SLC17A8: variants seen among roughly 807,000 people sequenced by gnomAD.
SLC17A8 encodes vesicular glutamate transporter 3.
In SLC17A8, 31 loss-of-function variants were observed where a neutral mutation model predicts 58.0. That is an observed-to-expected ratio of 0.53 (90% CI 0.40 to 0.72). SLC17A8 has a LOEUF of 0.72. SLC17A8 is among the 30% of genes least tolerant of loss of function. The pLI, the probability that SLC17A8 is intolerant of heterozygous loss-of-function variation, is 0.00. For synonymous variants in SLC17A8, 228 were observed against 249.0 expected, an observed-to-expected ratio of 0.92 and a Z score of 0.79; for missense variants, 655 against 727.8, an observed-to-expected ratio of 0.90 and a Z score of 1.15.
intron 4 of SLC17A8, 132 bp from the exon 5 acceptor site, chr12:100,396,198 C>CA (rs1952752490): frequency 1.3e-6 from 1 of 752,220 alleles, no homozygotes; most frequent in African/African-American, 1.7e-5. Context: ...GGGACACAAA[C>CA]ATTCAACCTA....
chr12:100,420,062 A>G lies in SLC17A8; in HGVS notation c.1673A>G (p.Gln558Arg). ...YGATSQNCEV[Q>R]KKEWKGQRGA... ...GCCACCTCCCAGAATTGTGAAGTCC[A>G]GAAGAAGGAATGGAAAGGACAGAGA... Residue 558 changes from glutamine to arginine, a missense_variant, in exon 12 of 12, where the codon CAG (glutamine) becomes CGG (arginine). Coordinates refer to ENST00000323346, the MANE Select transcript of SLC17A8 (RefSeq NM_139319.3). 1 of 1,614,204 alleles carries G rather than the reference A, an allele frequency of 6.2e-7. No homozygotes were observed. Among genetic ancestry groups the G allele is most frequent in the East Asian group, 2.2e-5 (1 of 44,884 alleles).
rs920948171 is a variant in SLC17A8 at position 100,419,489 on chromosome 12, C to T, written c.1426-326C>T. On this transcript the variant is annotated intron_variant, in intron 11 of 11. Transcript: ENST00000323346. ...CGGAGCTTGCAGTGAGCCGAGATCG[C>T]GCCACTGCACTCTAGCCTGGGTGAC... Among the ~76,000 whole-genome samples the T allele has an allele frequency of 5.3e-5, 8 of 150,592 alleles. 1 individual carries two copies. Among genetic ancestry groups the T allele is most frequent in the South Asian group, 4.2e-4 (2 of 4,768 alleles).
chr12:100,372,030 A>G (rs2135976696), intron 1 of SLC17A8, among the ~76,000 whole-genome samples: 1 of 152,274 alleles, frequency 6.6e-6, no homozygotes, highest in African/African-American at 2.4e-5. Context: ...CCTTCAGTTA[A>G]TTTTCTTCTT....
In SLC17A8 at chr12:100,412,835, T is replaced by C. The variant is rs1158306147; in HGVS notation, c.1252T>C (p.Ser418Pro). Residue 418 changes from serine to proline, a missense_variant, in exon 10 of 12, where the codon TCC becomes CCC. By Grantham distance (74) the Ser-to-Pro change is moderately conservative. Transcript: ENST00000323346. ...TTCGCATACCAAAGGGGTGGCTATC[T>C]CCTTTCTGGTACTTGCTGTAGGATT... Reference protein sequence around the residue: ...GFSHTKGVAISFLVLAVGFSG... With the variant: ...GFSHTKGVAIPFLVLAVGFSG... 6.2e-7 allele frequency: 1 copy of C among 1,614,166 alleles called. No individual in the cohort carries two copies. The highest frequency in any genetic ancestry group is 1.7e-5 in the Admixed American group (1 of 60,022).
intron 10 of SLC17A8, among the ~76,000 whole-genome samples, chr12:100,417,468 C>T (rs1952914810): frequency 6.6e-6 from 1 of 152,226 alleles, no homozygotes; most frequent in African/African-American, 2.4e-5. Flanking sequence ...GATTTACAGA[C>T]TCCAAATCAA....
chr12:100,378,963 C>T (rs1952613286), intron 1 of SLC17A8, among the ~76,000 whole-genome samples: 1 of 152,174 alleles, frequency 6.6e-6, no homozygotes, highest in South Asian at 2.1e-4. Context: ...TCTTTCTTCC[C>T]CATCAGCCTA....
At chr12:100,373,628 A>G (rs1399185771) in intron 1 of SLC17A8, among the ~76,000 whole-genome samples, 1 of 128,098 alleles carries the variant, frequency 7.8e-6, no homozygotes, top group African/African-American at 3.0e-5. Context: ...TCTGTCACCC[A>G]GGCTGGAGTG....
chr12:100,360,844 A>T (rs903599896), intron 1 of SLC17A8, among the ~76,000 whole-genome samples: 2 of 152,186 alleles, frequency 1.3e-5, no homozygotes, highest in African/African-American at 2.4e-5. Flanking sequence ...CAACTTCTGG[A>T]TCTGCTGTCA....
intron 10 of SLC17A8, among the ~76,000 whole-genome samples, chr12:100,415,953 A>G (rs950036646): frequency 6.6e-6 from 1 of 152,198 alleles, no homozygotes; most frequent in African/African-American, 2.4e-5. Flanking sequence ...CTGTCTGCCA[A>G]CTTTTAAAGG....
intron 1 of SLC17A8, among the ~76,000 whole-genome samples, chr12:100,375,682 T>C (rs999657798): frequency 2.0e-5 from 3 of 152,240 alleles, no homozygotes; most frequent in Admixed American, 1.3e-4. Context: ...TCTGCATGTA[T>C]ATAGAGAGCG....
intron 2 of SLC17A8, among the ~76,000 whole-genome samples, chr12:100,387,094 C>G (rs928589598): frequency 6.6e-6 from 1 of 152,180 alleles, no homozygotes; most frequent in Non-Finnish European, 1.5e-5. Context: ...CTTTTTGGAT[C>G]ATGATTTCAA....
intron 1 of SLC17A8, among the ~76,000 whole-genome samples, chr12:100,374,477 T>C (rs1306619374): frequency 1.3e-5 from 2 of 152,130 alleles, no homozygotes; most frequent in Non-Finnish European, 2.9e-5. Flanking sequence ...CCGGGCGTGG[T>C]GGCCTACGCC....
At chr12:100,401,363 C>T (rs1952790088) in intron 5 of SLC17A8, among the ~76,000 whole-genome samples, 1 of 151,642 alleles carries the variant, frequency 6.6e-6, no homozygotes, top group Non-Finnish European at 1.5e-5. Context: ...ATTCAATGTC[C>T]CTCATTTAAA....
intron 2 of SLC17A8, among the ~76,000 whole-genome samples, chr12:100,385,026 G>T (rs2135989795): frequency 6.6e-6 from 1 of 152,140 alleles, no homozygotes; most frequent in East Asian, 1.9e-4. Context: ...CCCTGACTCT[G>T]TGACTCCGTG....
chr12:100,378,892 T>A (rs1592992515), intron 1 of SLC17A8, among the ~76,000 whole-genome samples: 1 of 152,194 alleles, frequency 6.6e-6, no homozygotes, highest in East Asian at 1.9e-4. Context: ...CTACCATTGC[T>A]TTTCACTTTG....
chr12:100,382,966 G>A (rs1952647728), intron 2 of SLC17A8, among the ~76,000 whole-genome samples: 1 of 152,190 alleles, frequency 6.6e-6, no homozygotes, highest in South Asian at 2.1e-4. Flanking sequence ...TCTATTTGAT[G>A]CCACAGCCAA....
chr12:100,402,484 G>C lies in SLC17A8; in HGVS notation c.903+5G>C. ...GCCAACGTGGTTAGTCTAAGTGTAAGTATAAAAAGTCAGATGAAGACTTAC... is the reference window on the plus strand; with the variant it reads ...GCCAACGTGGTTAGTCTAAGTGTAACTATAAAAAGTCAGATGAAGACTTAC... On this transcript the variant is annotated splice_donor_5th_base_variant and intron_variant, in intron 7 of 11. Transcript: ENST00000323346. 1.9e-6 allele frequency: 3 copies of C among 1,613,988 alleles called. No individual in the cohort carries two copies. Among genetic ancestry groups the C allele is most frequent in the Non-Finnish European group, 2.5e-6 (3 of 1,179,998 alleles).
intron 1 of SLC17A8, among the ~76,000 whole-genome samples, chr12:100,375,154 G>T (rs981679077): frequency 6.7e-6 from 1 of 150,084 alleles, no homozygotes; most frequent in Non-Finnish European, 1.5e-5. Flanking sequence ...ATATGGTCTC[G>T]CTCTGTTTTC....
chr12:100,375,265 G>A (rs1566389130), intron 1 of SLC17A8, among the ~76,000 whole-genome samples: 1 of 151,836 alleles, frequency 6.6e-6, no homozygotes, highest in Non-Finnish European at 1.5e-5. Flanking sequence ...TTGGATTACA[G>A]GCATGAGTTA....
Sources: allele counts gnomAD v4.1 joint callset (sites outside exome capture counted in the v4.1 genomes callset), GRCh38; gene constraint gnomAD v4.1.1; transcripts MANE v1.5; gene names NCBI Gene and HGNC (gene_info 2026-07-23, HGNC 2026-07-21).